RTTN: variants seen among roughly 807,000 people sequenced by gnomAD.
RTTN encodes the protein rotatin.
RTTN carries 182 observed loss-of-function variants against 269.2 expected under a neutral mutation model. The ratio of observed to expected loss-of-function variants is 0.68; its 90% CI spans 0.60 to 0.76. The LOEUF (loss-of-function observed/expected upper bound fraction) is 0.76. Ranked by LOEUF, RTTN falls within the 30% of genes least tolerant of loss-of-function variation. The pLI is 0.00. For missense variants in RTTN, 2,545 were observed against 2,608.6 expected, an observed-to-expected ratio of 0.98 and a Z score of 0.53; for synonymous variants, 1,006 against 963.5, an observed-to-expected ratio of 1.04 and a Z score of -0.82.
chr18:70,187,631 T>C (rs1381890356), intron 10 of RTTN, among the ~76,000 whole-genome samples: 1 of 152,204 alleles, frequency 6.6e-6, no homozygotes, highest in Non-Finnish European at 1.5e-5. Context: ...CCAGGAAATC[T>C]TGAACTTTTC....
At chr18:70,145,062 C>G (rs2060353857) in intron 18 of RTTN, among the ~76,000 whole-genome samples, 1 of 152,204 alleles carries the variant, frequency 6.6e-6, no homozygotes, top group East Asian at 1.9e-4. Context: ...AGCTCCACCT[C>G]CTGTCAGATC....
At chr18:70,124,297 G>A (rs530975242) in intron 25 of RTTN, among the ~76,000 whole-genome samples, 4 of 152,166 alleles carry the variant, frequency 2.6e-5, no homozygotes, top group African/African-American at 9.6e-5. Flanking sequence ...AGGTGTTCAC[G>A]CTGAGGCTGC....
chr18:70,017,012 G>A (rs1003357293), intron 46 of RTTN, among the ~76,000 whole-genome samples: 6 of 152,066 alleles, frequency 3.9e-5, no homozygotes, highest in East Asian at 1.9e-4. Context: ...CCCTGGGTGC[G>A]GGGCTATTAT....
At chr18:70,067,807 A>G (rs778459482) in intron 34 of RTTN, among the ~76,000 whole-genome samples, 9 of 152,216 alleles carry the variant, frequency 5.9e-5, no homozygotes, top group Non-Finnish European at 8.8e-5. Context: ...GAAAGCTTAT[A>G]AGGGCCCACT....
intron 45 of RTTN, among the ~76,000 whole-genome samples, chr18:70,020,233 T>C (rs2056662542): frequency 6.6e-6 from 1 of 152,214 alleles, no homozygotes; most frequent in Non-Finnish European, 1.5e-5. Flanking sequence ...TCATAAACCA[T>C]TTTGTCAATG....
chr18:70,050,450 T>C (rs912395866), intron 39 of RTTN, among the ~76,000 whole-genome samples: 3 of 152,090 alleles, frequency 2.0e-5, no homozygotes, highest in South Asian at 2.1e-4. Flanking sequence ...GTGGAGAAAA[T>C]GGGAACACTT....
At chr18:70,070,940 T>C (rs2058278529) in intron 34 of RTTN, among the ~76,000 whole-genome samples, 1 of 152,208 alleles carries the variant, frequency 6.6e-6, no homozygotes, top group Middle Eastern at 3.2e-3. Flanking sequence ...AAGGGGATAA[T>C]ATTGTAAAGC....
rs1440331539 is a variant in RTTN, at chr18:70,205,127, C to T, written c.219+1G>A. On this transcript the variant is annotated splice_donor_variant, in intron 2 of 48. Coordinates refer to ENST00000640769, the MANE Select transcript of RTTN (RefSeq NM_173630.4). LOFTEE classifies it high-confidence loss of function. The stretch of plus-strand genomic sequence containing the variant: ...TTTTCTTTATTTCAAAATGACCCTA[C>T]CTTAACCAATCTGCTTAACAGGTTC... 1.2e-6 allele frequency: 2 copies of T among 1,613,680 alleles called. No individual in the cohort carries two copies. The highest frequency in any genetic ancestry group is 1.7e-5 in the Admixed American group (1 of 60,014).
In RTTN at chr18:70,127,535, A is replaced by C. The variant is rs944181463; in HGVS notation, c.3350T>G (p.Leu1117Trp). The change falls in exon 25 of 49, where the codon TTG (leucine) becomes TGG (tryptophan). Residue 1117 changes from leucine to tryptophan, a missense_variant. Leu to Trp is a moderately conservative substitution (Grantham distance 61, BLOSUM62 -2). Coordinates refer to ENST00000640769, the MANE Select transcript of RTTN (RefSeq NM_173630.4). The part of the protein sequence containing the change: ...KGCPGPCGVT[L>W]KSLAWHTALN... The stretch of plus-strand genomic sequence containing the variant: ...TGCGGTGTGCCAAGCCAAGGACTTC[A>C]AGGTAACCCCACATGGACCAGGGCA... The C allele has an allele frequency of 6.2e-7, 1 of 1,613,474 alleles. No homozygotes were observed. The highest frequency in any genetic ancestry group is 1.1e-5 in the South Asian group (1 of 91,066).
chr18:70,033,196 C>T (rs958664990), intron 40 of RTTN, among the ~76,000 whole-genome samples: 3 of 152,206 alleles, frequency 2.0e-5, no homozygotes. Flanking sequence ...CTCGCTCCCC[C>T]TTCTGCCATA....
At chr18:70,193,196 A>T in intron 8 of RTTN, 92 bp downstream of exon 8, 7 of 1,139,090 alleles carry the variant, frequency 6.1e-6, no homozygotes, top group Non-Finnish European at 6.1e-6. Context: ...AAAAAAAAAA[A>T]GGACAGAAAA....
intron 46 of RTTN, among the ~76,000 whole-genome samples, chr18:70,009,996 T>C (rs2056319302): frequency 1.3e-5 from 2 of 152,086 alleles, no homozygotes; most frequent in South Asian, 4.1e-4. Flanking sequence ...AAGAAGGGCA[T>C]TACATAATGA....
At chr18:70,125,850 A>G (rs972373334) in intron 25 of RTTN, among the ~76,000 whole-genome samples, 10 of 151,952 alleles carry the variant, frequency 6.6e-5, no homozygotes, top group Non-Finnish European at 1.3e-4. Flanking sequence ...TAGTACATAC[A>G]TTGCTGGAAG....
At chr18:70,141,266 CAA>C (rs1568450696) in intron 19 of RTTN, among the ~76,000 whole-genome samples, 1 of 152,074 alleles carries the variant, frequency 6.6e-6, no homozygotes, top group Non-Finnish European at 1.5e-5. Context: ...TACATAAACT[CAA>C]AGTTATCATT....
intron 32 of RTTN, among the ~76,000 whole-genome samples, chr18:70,075,976 T>C (rs2058419644): frequency 6.6e-6 from 1 of 151,986 alleles, no homozygotes; most frequent in African/African-American, 2.4e-5. Context: ...CTAAGCCAGG[T>C]AAAATGAAAA....
chr18:70,135,134 C>T (rs2145676075), intron 22 of RTTN, 50 bp downstream of exon 22: 1 of 1,032,806 alleles, frequency 9.7e-7, no homozygotes, highest in Non-Finnish European at 1.4e-6. Context: ...ACATCAGATA[C>T]CTGAGATAAA....
chr18:70,145,715 C>T lies in RTTN; in HGVS notation c.2378G>A (p.Arg793His), dbSNP rs776764068. ...GAGAACTCTGGCGTCTATTAGAGGACGCTTTGTATCAGCCCCTTCTTCACT... is the reference window on the plus strand; with the variant it reads ...GAGAACTCTGGCGTCTATTAGAGGATGCTTTGTATCAGCCCCTTCTTCACT... ...LTSEEGADTKRPLIDARVLSR... is the reference protein window; with the variant it reads ...LTSEEGADTKHPLIDARVLSR... The change falls in exon 18 of 49, where the codon CGT becomes CAT. Residue 793 changes from arginine (R) to histidine (H), a missense_variant. Transcript: ENST00000640769. 5.7e-5 allele frequency: 92 copies of T among 1,613,296 alleles called. No homozygotes were observed. Among genetic ancestry groups the T allele is most frequent in the Admixed American group, 1.8e-4 (11 of 59,918 alleles).
intron 27 of RTTN, 87 bp downstream of exon 27, chr18:70,114,358 A>G: frequency 8.5e-7 from 1 of 1,178,212 alleles, no homozygotes; most frequent in Non-Finnish European, 1.2e-6. Context: ...TCTTAATTTG[A>G]AAGAAGTACA....
At chr18:70,166,716 T>C (rs1241196303) in intron 13 of RTTN, 2 of 420,864 alleles carry the variant, frequency 4.8e-6, no homozygotes, top group Admixed American at 4.2e-5. Flanking sequence ...CATGACATTT[T>C]TGAAGTTTAA....
Sources: gnomAD v4.1 joint callset for allele counts (sites outside exome capture counted in the v4.1 genomes callset) on GRCh38, gnomAD v4.1.1 for gene constraint, MANE v1.5 for transcripts, NCBI Gene and HGNC (gene_info 2026-07-23, HGNC 2026-07-21) for gene names.